Variants in PKN2 observed in about 807,000 individuals in gnomAD.
PKN2 encodes protein kinase N2.
Under a neutral mutation model 119.1 loss-of-function variants are expected in PKN2, and 38 were observed. That is an observed-to-expected ratio of 0.32 (90% CI 0.25 to 0.42). The LOEUF (loss-of-function observed/expected upper bound fraction) is 0.42. Ranked by LOEUF, PKN2 falls within the 10% of genes least tolerant of loss-of-function variation. The pLI is 1.00. For synonymous variants in PKN2, 390 were observed against 384.9 expected, an observed-to-expected ratio of 1.01 and a Z score of -0.15; for missense variants, 850 against 1,165.1, an observed-to-expected ratio of 0.73 and a Z score of 3.94.
intron 1 of PKN2, among the ~76,000 whole-genome samples, chr1:88,686,962 A>G (rs1264191906): frequency 6.6e-6 from 1 of 152,150 alleles, no homozygotes; most frequent in African/African-American, 2.4e-5. Context: ...AGATGTATTT[A>G]ATGGTTAAAA....
intron 8 of PKN2, among the ~76,000 whole-genome samples, chr1:88,799,695 T>A (rs1282628682): frequency 1.3e-5 from 2 of 152,194 alleles, no homozygotes; most frequent in East Asian, 3.8e-4. Context: ...TTAGTCTAAA[T>A]CAGATTCTGG....
intron 1 of PKN2, among the ~76,000 whole-genome samples, chr1:88,693,879 G>T (rs1307600762): frequency 6.6e-6 from 1 of 152,048 alleles, no homozygotes; most frequent in Non-Finnish European, 1.5e-5. Context: ...CCTATCCTGG[G>T]TTTAAAAGAT....
chr1:88,815,282 A>G (rs786918), intron 16 of PKN2: 86,683 of 166,074 alleles, frequency 0.52, 23,508 homozygotes, highest in Middle Eastern at 0.73. Flanking sequence ...CAAGAATACA[A>G]TGCTGCATTA....
chr1:88,730,669 G>T (rs1557572249), intron 1 of PKN2, among the ~76,000 whole-genome samples: 1 of 152,104 alleles, frequency 6.6e-6, no homozygotes, highest in Admixed American at 6.5e-5. Flanking sequence ...TTTTATTATT[G>T]TTTTTTAAGT....
chr1:88,835,227 A>G lies in PKN2; in HGVS notation c.*1779A>G, dbSNP rs1185631960. On this transcript the variant is annotated 3_prime_UTR_variant, in exon 22 of 22. Transcript: ENST00000370521. The stretch of plus-strand genomic sequence containing the variant: ...AGAATGGGGGAACAATATGTGGTTT[A>G]AAGTTATTTTAAAATGCCAGTTAAT... 1 of 152,354 alleles carries G rather than the reference A, an allele frequency of 6.6e-6. No homozygotes were observed. Among genetic ancestry groups the G allele is most frequent in the African/African-American group, 2.4e-5 (1 of 41,448 alleles). The allele number at this position is 152,354 out of a possible 1,614,324, so 9.4% of individuals were successfully genotyped here. A position where few individuals can be genotyped will look rare whatever the true frequency, so the allele number is the denominator to read the frequency against.
intron 16 of PKN2, among the ~76,000 whole-genome samples, chr1:88,820,738 TA>T (rs1479205589): frequency 6.6e-6 from 1 of 152,144 alleles, no homozygotes; most frequent in Non-Finnish European, 1.5e-5. Context: ...TTAAATAGTG[TA>T]CTTTGGAGAA....
intron 1 of PKN2, 52 bp downstream of exon 1, chr1:88,684,680 G>A: frequency 7.0e-7 from 1 of 1,429,994 alleles, no homozygotes; most frequent in Non-Finnish European, 9.2e-7. Context: ...CAGGGAGAGA[G>A]CCCCGCGCGG....
At chr1:88,801,066 C>T (rs1369423777) in intron 8 of PKN2, among the ~76,000 whole-genome samples, 1 of 152,084 alleles carries the variant, frequency 6.6e-6, no homozygotes, top group Non-Finnish European at 1.5e-5. Context: ...GCCGGCGTAC[C>T]AGCAATCACA....
intron 15 of PKN2, among the ~76,000 whole-genome samples, chr1:88,809,157 C>T (rs1443791942): frequency 6.6e-6 from 1 of 152,010 alleles, no homozygotes; most frequent in Non-Finnish European, 1.5e-5. Context: ...TTCTTTTTCA[C>T]TGTTTCTCAT....
At position 88,761,293 on chromosome 1, in the gene PKN2, T is replaced by C. The variant is rs1005418974; in HGVS notation, c.504+917T>C. ...TATAAAGTTATAAAATGTACCTTTG[T>C]ACTTTCAACTCATGTATTTTAAATA... On this transcript the variant is annotated intron_variant, in intron 3 of 21. Coordinates refer to ENST00000370521, the MANE Select transcript of PKN2 (RefSeq NM_006256.4). Among the ~76,000 whole-genome samples the C allele has an allele frequency of 1.3e-5, 2 of 152,186 alleles. 1 individual carries two copies. The highest frequency in any genetic ancestry group is 2.9e-5 in the Non-Finnish European group (2 of 68,032).
At chr1:88,750,788 T>C (rs1377785502) in intron 2 of PKN2, among the ~76,000 whole-genome samples, 1 of 152,170 alleles carries the variant, frequency 6.6e-6, no homozygotes, top group Non-Finnish European at 1.5e-5. Flanking sequence ...AAAACCTTTT[T>C]TCCCCACCTT....
At chr1:88,786,071 G>GT in intron 7 of PKN2, 33 bp from the exon 8 acceptor site, 1 of 1,322,440 alleles carries the variant, frequency 7.6e-7, no homozygotes. Flanking sequence ...AAGGTTTAAA[G>GT]TTTTTAAGCA....
chr1:88,774,630 T>G (rs1670017294), intron 6 of PKN2, among the ~76,000 whole-genome samples: 1 of 152,118 alleles, frequency 6.6e-6, no homozygotes, highest in African/African-American at 2.4e-5. Flanking sequence ...GGTTTTTTTT[T>G]TTATGCAAGT....
chr1:88,818,641 CCTT>C (rs1672116084), intron 16 of PKN2, among the ~76,000 whole-genome samples: 1 of 145,040 alleles, frequency 6.9e-6, no homozygotes, highest in African/African-American at 2.7e-5. Context: ...GAGTGAGACT[CCTT>C]CTCAAAAAAA....
intron 19 of PKN2, among the ~76,000 whole-genome samples, chr1:88,831,607 C>T (rs1014086454): frequency 6.6e-6 from 1 of 151,956 alleles, no homozygotes; most frequent in Non-Finnish European, 1.5e-5. Context: ...ATTAGAAGCT[C>T]AGCCTTAAGA....
chr1:88,777,809 A>T (rs1670164715), intron 6 of PKN2, among the ~76,000 whole-genome samples: 1 of 152,186 alleles, frequency 6.6e-6, no homozygotes, highest in African/African-American at 2.4e-5. Context: ...CAGGTACTGC[A>T]GACCAGCATT....
In PKN2 at chr1:88,787,575, G is replaced by A. The variant is rs547916379; in HGVS notation, c.1281+1362G>A. Among the ~76,000 whole-genome samples, 3 of 152,262 alleles carry A rather than the reference G, an allele frequency of 2.0e-5. No individual in the cohort carries two copies. In the South Asian group the frequency reaches 6.2e-4, roughly 32 times the overall value. Reference sequence around the variant, plus strand: ...ATAGAAAGATAACAGTAGCACAGAGGAGGAAACAGCAGAAGATGAAGAGTG... The same window carrying A: ...ATAGAAAGATAACAGTAGCACAGAGAAGGAAACAGCAGAAGATGAAGAGTG... On this transcript the variant is annotated intron_variant, in intron 8 of 21. Coordinates refer to ENST00000370521, the MANE Select transcript of PKN2 (RefSeq NM_006256.4).
intron 3 of PKN2, among the ~76,000 whole-genome samples, chr1:88,764,896 C>T (rs1274511911): frequency 1.3e-5 from 2 of 151,904 alleles, no homozygotes; most frequent in African/African-American, 4.8e-5. Flanking sequence ...GACATGCCTC[C>T]TGTTTTTTGT....
chr1:88,774,394 T>C (rs1013475736), intron 6 of PKN2, among the ~76,000 whole-genome samples: 9 of 152,196 alleles, frequency 5.9e-5, no homozygotes, highest in Admixed American at 3.9e-4. Context: ...CCTGAAGATA[T>C]GATCATTCTT....
Sources: gnomAD v4.1 joint callset for allele counts (sites outside exome capture counted in the v4.1 genomes callset) on GRCh38, gnomAD v4.1.1 for gene constraint, MANE v1.5 for transcripts, NCBI Gene and HGNC (gene_info 2026-07-23, HGNC 2026-07-21) for gene names.